GON4L: variants seen among roughly 807,000 people sequenced by gnomAD.
GON4L encodes the protein GON-4-like protein.
A neutral mutation model predicts 211.8 loss-of-function variants in GON4L; 87 were observed. The observed-to-expected ratio is 0.41, with a 90% confidence interval of 0.35 to 0.49. The LOEUF (loss-of-function observed/expected upper bound fraction) is 0.49, where lower values mean the gene tolerates loss of function less well. Among genes scored for constraint, GON4L ranks in the 20% least tolerant of loss-of-function variants. The pLI, the probability that GON4L is intolerant of heterozygous loss-of-function variation, is 0.15. For missense variants in GON4L, 2,155 were observed against 2,659.5 expected, an observed-to-expected ratio of 0.81 and a Z score of 4.17; for synonymous variants, 875 against 962.6, an observed-to-expected ratio of 0.91 and a Z score of 1.68.
At chr1:155,857,520 G>C (rs550815870), upstream of GON4L, among the ~76,000 whole-genome samples, 1 of 152,254 alleles carries the variant, frequency 6.6e-6, no homozygotes, top group Non-Finnish European at 1.5e-5. Flanking sequence ...ACCTGAGGTC[G>C]GGAGTTCGAG....
In GON4L at chr1:155,784,304, C is replaced by T. The variant is rs1377615810; in HGVS notation, c.1789-215G>A. On this transcript the variant is annotated intron_variant, in intron 13 of 31. Transcript: ENST00000368331. ...AGAAAGAAGTCATTCAACCAGTCAACTTGTAACAGTAAGGACAGAGCGTGG... is the reference window on the plus strand; with the variant it reads ...AGAAAGAAGTCATTCAACCAGTCAATTTGTAACAGTAAGGACAGAGCGTGG... The T allele has an allele frequency of 4.4e-6, 2 of 449,718 alleles. 1 individual carries two copies. The highest frequency in any genetic ancestry group is 6.7e-5 in the Admixed American group (2 of 29,732). The allele number at this position is 449,718 out of a possible 1,614,324, so 27.9% of individuals were successfully genotyped here. A position where few individuals can be genotyped will look rare whatever the true frequency, so the allele number is the denominator to read the frequency against.
chr1:155,832,840 A>G (rs1212859589), intron 2 of GON4L: 1 of 152,072 alleles, frequency 6.6e-6, no homozygotes, highest in Non-Finnish European at 1.5e-5. Context: ...ACTAAACAGC[A>G]GGGCTACGGG....
At chr1:155,750,778 T>G in intron 31 of GON4L, 45 bp from the exon 32 acceptor site, 1 of 1,542,256 alleles carries the variant, frequency 6.5e-7, no homozygotes, top group Non-Finnish European at 8.8e-7. Flanking sequence ...TTTTTTTTGT[T>G]TTTGAGACGG....
intron 28 of GON4L, 120 bp downstream of exon 28, chr1:155,754,255 G>A (rs761624798): frequency 2.6e-6 from 2 of 759,422 alleles, no homozygotes; most frequent in East Asian, 2.5e-5. Flanking sequence ...GTACACATAT[G>A]TGTATACTGA....
In GON4L at chr1:155,775,139, G is replaced by A; in HGVS notation, c.2213C>T (p.Ala738Val). 4 of 1,614,168 alleles carry A rather than the reference G, an allele frequency of 2.5e-6. No individual in the cohort carries two copies. Among genetic ancestry groups the A allele is most frequent in the Non-Finnish European group, 2.5e-6 (3 of 1,180,034 alleles). The change falls in exon 17 of 32, where the codon GCC becomes GTC. Residue 738 changes from alanine (A) to valine (V), a missense_variant. Physicochemically the swap from Ala to Val is moderately conservative, Grantham distance 64. This residue lies in a region of GON4L where 551 missense variants were observed against 854.0 expected (regional missense o/e 0.65). Coordinates refer to ENST00000368331, the MANE Select transcript of GON4L (RefSeq NM_001282860.2). ...ELGTFAQSSIALHHQYNPKFQ... is the reference protein window; with the variant it reads ...ELGTFAQSSIVLHHQYNPKFQ... ...CTTGGGGTTGTACTGATGGTGAAGG[G>A]CGATGGAGCTTTGAGCAAAGGTTCC...
intron 20 of GON4L, 74 bp from the exon 21 acceptor site, chr1:155,766,783 C>A: frequency 1.9e-6 from 3 of 1,601,968 alleles, no homozygotes; most frequent in Non-Finnish European, 2.5e-6. Flanking sequence ...CAGTGGCTCA[C>A]GCCTGTAATC....
chr1:155,809,476 T>G (rs1009441345), intron 10 of GON4L, among the ~76,000 whole-genome samples: 1 of 149,886 alleles, frequency 6.7e-6, no homozygotes, highest in African/African-American at 2.4e-5. Context: ...GCATGGTGAT[T>G]AAATGACTCA....
At chr1:155,785,274 C>T (rs1412741443) in intron 13 of GON4L, 60 bp downstream of exon 13, 3 of 1,064,774 alleles carry the variant, frequency 2.8e-6, no homozygotes, top group Middle Eastern at 2.0e-4. Flanking sequence ...GACCAAATGA[C>T]ACATCTTGCT....
intron 24 of GON4L, among the ~76,000 whole-genome samples, chr1:155,760,033 T>C (rs1250482017): frequency 6.7e-6 from 1 of 149,726 alleles, no homozygotes; most frequent in Non-Finnish European, 1.5e-5. Context: ...TTCCTCATGA[T>C]AACGTAAGCT....
chr1:155,807,600 A>G (rs924206079), intron 10 of GON4L, among the ~76,000 whole-genome samples: 11 of 147,078 alleles, frequency 7.5e-5, no homozygotes, highest in African/African-American at 2.7e-4. Flanking sequence ...GCTACTCAGG[A>G]GGCTGAGGCA....
intron 10 of GON4L, among the ~76,000 whole-genome samples, chr1:155,806,623 G>A (rs909647626): frequency 2.0e-5 from 3 of 152,094 alleles, no homozygotes; most frequent in East Asian, 3.9e-4. Context: ...GGCTGAGTCA[G>A]GAGAATTGCT....
At chr1:155,771,020 G>A in intron 19 of GON4L, 47 bp downstream of exon 19, 1 of 1,611,186 alleles carries the variant, frequency 6.2e-7, no homozygotes, top group Non-Finnish European at 8.5e-7. Flanking sequence ...AAAAGAATGG[G>A]TACATATTGG....
Position 155,753,210 on chromosome 1 carries a change from C to G in GON4L, c.5836G>C (p.Val1946Leu). Residue 1946 changes from valine to leucine, a missense_variant, in exon 29 of 32, where the codon GTT becomes CTT. Around this residue, in one of 6 missense-constraint regions of GON4L, gnomAD observed 455 missense variants for 504.6 expected, o/e 0.90. Transcript: ENST00000368331. The stretch of plus-strand genomic sequence containing the variant: ...GCGTTGGCAAATCACTCACCTGAAA[C>G]AGGCATCTCTCCCTTTCTGGTGGTC... ...VRTTRKGEMP[V>L]SAGLAVGSTL... The G allele has an allele frequency of 6.2e-7, 1 of 1,611,892 alleles. No homozygotes were observed.
chr1:155,847,767 G>A (rs951346703), intron 2 of GON4L, among the ~76,000 whole-genome samples: 6 of 151,938 alleles, frequency 3.9e-5, no homozygotes, highest in Admixed American at 2.0e-4. Flanking sequence ...CCAGGTACTC[G>A]AAAGGCTGGG....
intron 1 of GON4L, among the ~76,000 whole-genome samples, chr1:155,854,150 T>C (rs572439149): frequency 1.4e-4 from 21 of 152,210 alleles, no homozygotes; most frequent in Middle Eastern, 3.4e-3. Flanking sequence ...TTGTGTTTTT[T>C]TGTTTTTGTT....
chr1:155,834,325 C>T (rs1670095684), intron 2 of GON4L, among the ~76,000 whole-genome samples: 1 of 152,098 alleles, frequency 6.6e-6, no homozygotes, highest in Non-Finnish European at 1.5e-5. Context: ...TTTACTATTA[C>T]TTCTCCAGTT....
At chr1:155,800,937 T>A (rs1666597751) in intron 11 of GON4L, among the ~76,000 whole-genome samples, 1 of 150,154 alleles carries the variant, frequency 6.7e-6, no homozygotes, top group Non-Finnish European at 1.5e-5. Context: ...TGGGTTCTAC[T>A]CCTAGGAGTA....
chr1:155,819,390 G>C (rs888567863), intron 6 of GON4L, among the ~76,000 whole-genome samples: 1 of 152,186 alleles, frequency 6.6e-6, no homozygotes, highest in African/African-American at 2.4e-5. Flanking sequence ...TGTAGGAAAA[G>C]TAATGTGGAA....
chr1:155,841,000 A>C (rs891537692), intron 2 of GON4L, among the ~76,000 whole-genome samples: 1 of 152,134 alleles, frequency 6.6e-6, no homozygotes, highest in African/African-American at 2.4e-5. Context: ...ATGCCATGGC[A>C]CTCCGGCCTG....
Sources: allele counts gnomAD v4.1 joint callset (sites outside exome capture counted in the v4.1 genomes callset), GRCh38; gene constraint gnomAD v4.1.1; regional missense constraint gnomAD v4.1.1; transcripts MANE v1.5; gene names NCBI Gene and HGNC (gene_info 2026-07-23, HGNC 2026-07-21).